The following ANK3 variants were observed in gnomAD, a reference collection of about 807,000 sequenced individuals.
ANK3 encodes the protein ankyrin 3.
Under a neutral mutation model 370.9 loss-of-function variants are expected in ANK3, and 57 were observed. The ratio of observed to expected loss-of-function variants is 0.15; its 90% confidence interval spans 0.12 to 0.19. The LOEUF (loss-of-function observed/expected upper bound fraction) is 0.19, where lower values mean the gene tolerates loss of function less well. ANK3 is among the 10% of genes least tolerant of loss of function. The pLI is 1.00. For synonymous variants in ANK3, 1,929 were observed against 1,946.3 expected (o/e 0.99, Z 0.23); for missense variants, 4,439 against 5,302.1 (o/e 0.84, Z 5.06).
At chr10:60,469,575 GTATATATA>G (rs1164081698) in intron 2 of ANK3, among the ~76,000 whole-genome samples, 2 of 1,198 alleles carry the variant, frequency 1.7e-3, no homozygotes, top group Non-Finnish European at 3.0e-3. Flanking sequence ...ATATATGGTG[GTATATATA>G]TATATATATA....
chr10:60,370,259 C>T (rs1011897108), intron 1 of ANK3, among the ~76,000 whole-genome samples: 6 of 152,146 alleles, frequency 3.9e-5, no homozygotes, highest in Non-Finnish European at 8.8e-5. Context: ...AAACTATTCT[C>T]ATGTAAAATT....
At chr10:60,717,768 G>T (rs2079810337) in intron 1 of ANK3, among the ~76,000 whole-genome samples, 1 of 152,186 alleles carries the variant, frequency 6.6e-6, no homozygotes, top group South Asian at 2.1e-4. Context: ...TGAAAGGTTT[G>T]AAAGTTACCA....
chr10:60,033,105 G>A (rs2074066187), intron 43 of ANK3, among the ~76,000 whole-genome samples: 1 of 152,182 alleles, frequency 6.6e-6, no homozygotes, highest in African/African-American at 2.4e-5. Context: ...CTTGCTTTGG[G>A]TTTTGTATGC....
At chr10:60,535,901 C>T (rs956870263) in intron 2 of ANK3, among the ~76,000 whole-genome samples, 39 of 150,338 alleles carry the variant, frequency 2.6e-4, no homozygotes, top group African/African-American at 4.2e-4. Flanking sequence ...CTCTAAATAT[C>T]GGCAAAGCAA....
intron 7 of ANK3, among the ~76,000 whole-genome samples, chr10:60,239,953 A>G (rs574623604): frequency 3.2e-4 from 49 of 150,908 alleles, no homozygotes; most frequent in African/African-American, 1.1e-3. Context: ...ATTTTTATAC[A>G]TAAATATATA....
intron 1 of ANK3, among the ~76,000 whole-genome samples, chr10:60,368,189 A>T (rs1482377861): frequency 6.6e-6 from 1 of 151,994 alleles, no homozygotes; most frequent in Non-Finnish European, 1.5e-5. Flanking sequence ...GGGAAGAGAA[A>T]ATCTCTAGGG....
At chr10:60,566,626 A>C (rs1296723772) in intron 2 of ANK3, among the ~76,000 whole-genome samples, 1 of 152,198 alleles carries the variant, frequency 6.6e-6, no homozygotes, top group Non-Finnish European at 1.5e-5. Flanking sequence ...TAATTCCAGC[A>C]CTTTGGAAGG....
intron 1 of ANK3, among the ~76,000 whole-genome samples, chr10:60,725,091 C>A (rs538064169): frequency 6.6e-6 from 1 of 152,264 alleles, no homozygotes; most frequent in East Asian, 1.9e-4. Flanking sequence ...TATGTAAGTA[C>A]TCTTACAAAA....
chr10:60,548,280 C>G (rs141272149), intron 2 of ANK3, among the ~76,000 whole-genome samples: 2 of 139,606 alleles, frequency 1.4e-5, no homozygotes, highest in Non-Finnish European at 3.0e-5. Context: ...GACATGATCT[C>G]GGCTCACTGC....
chr10:60,147,224 C>A (rs1195320604), intron 23 of ANK3, among the ~76,000 whole-genome samples: 3 of 152,148 alleles, frequency 2.0e-5, no homozygotes, highest in Non-Finnish European at 4.4e-5. Flanking sequence ...AAGCCTTGCA[C>A]TGGTGATGCT....
intron 2 of ANK3, among the ~76,000 whole-genome samples, chr10:60,539,781 G>C (rs1316450726): frequency 6.6e-6 from 1 of 151,810 alleles, no homozygotes; most frequent in African/African-American, 2.4e-5. Context: ...TGTCCACCTG[G>C]GTCTTCACCC....
intron 1 of ANK3, among the ~76,000 whole-genome samples, chr10:60,657,252 G>C (rs2078877363): frequency 6.6e-6 from 1 of 152,034 alleles, no homozygotes; most frequent in African/African-American, 2.4e-5. Context: ...CCTACCACTG[G>C]GTCCCTCCCA....
chr10:60,368,270 A>C (rs2059655423), intron 1 of ANK3, among the ~76,000 whole-genome samples: 1 of 152,068 alleles, frequency 6.6e-6, no homozygotes, highest in South Asian at 2.1e-4. Context: ...GAAAAAGAAC[A>C]AAAGTATTGT....
chr10:60,447,551 TG>T (rs892171683), intron 2 of ANK3, among the ~76,000 whole-genome samples: 1 of 151,748 alleles, frequency 6.6e-6, no homozygotes, highest in Non-Finnish European at 1.5e-5. Flanking sequence ...TGTCTGCATG[TG>T]GGGGGGAAAA....
At chr10:60,228,192 A>C (rs534056811) in intron 8 of ANK3, among the ~76,000 whole-genome samples, 13 of 152,316 alleles carry the variant, frequency 8.5e-5, no homozygotes, top group Admixed American at 8.5e-4. Flanking sequence ...CTATGAATAC[A>C]TGAGAGAATT....
At chr10:60,514,353 A>T (rs2076164406) in intron 2 of ANK3, among the ~76,000 whole-genome samples, 2 of 152,128 alleles carry the variant, frequency 1.3e-5, no homozygotes, top group Non-Finnish European at 2.9e-5. Flanking sequence ...AAACCCTATC[A>T]GGAGTGATAT....
At chr10:60,155,123 G>A (rs1186698594) in intron 23 of ANK3, among the ~76,000 whole-genome samples, 4 of 152,052 alleles carry the variant, frequency 2.6e-5, no homozygotes, top group Admixed American at 2.0e-4. Context: ...AAAAAATTAA[G>A]TAGCAATCAC....
At chr10:60,281,699 C>A (rs1047403403) in intron 1 of ANK3, among the ~76,000 whole-genome samples, 5 of 152,018 alleles carry the variant, frequency 3.3e-5, no homozygotes, top group African/African-American at 1.2e-4. Flanking sequence ...TAAAGTATTG[C>A]CTGGAATAAT....
intron 7 of ANK3, among the ~76,000 whole-genome samples, chr10:60,240,225 T>TAC (rs2097424833): frequency 7.1e-6 from 1 of 141,844 alleles, no homozygotes; most frequent in Non-Finnish European, 1.5e-5. Flanking sequence ...CATATATATA[T>TAC]ACACACATAT....
Sources: allele counts gnomAD v4.1 joint callset (sites outside exome capture counted in the v4.1 genomes callset), GRCh38; gene constraint gnomAD v4.1.1; transcripts MANE v1.5; gene names NCBI Gene and HGNC (gene_info 2026-07-23, HGNC 2026-07-21).